PRKAR1A: variants seen among roughly 807,000 people sequenced by gnomAD.
The protein encoded by PRKAR1A is cAMP-dependent protein kinase type I-alpha regulatory subunit.
A neutral mutation model predicts 52.0 loss-of-function variants in PRKAR1A; 3 were observed. The ratio of observed to expected loss-of-function variants is 0.06; its 90% CI spans 0.03 to 0.15. The LOEUF is 0.15. Among genes scored for constraint, PRKAR1A ranks in the 10% least tolerant of loss-of-function variants. The pLI, the probability that PRKAR1A is intolerant of heterozygous loss-of-function variation, is 1.00. For missense variants in PRKAR1A, 240 were observed against 477.4 expected, an observed-to-expected ratio of 0.50 and a Z score of 4.63; for synonymous variants, 188 against 168.4, an observed-to-expected ratio of 1.12 and a Z score of -0.90.
chr17:68,470,210 T>C, the PRKAR1A span, among the ~76,000 whole-genome samples: 2 of 151,936 alleles, frequency 1.3e-5, no homozygotes, highest in Non-Finnish European at 2.9e-5. Flanking sequence ...AGCCTCCTAA[T>C]AGCTGGGATT....
upstream of PRKAR1A, among the ~76,000 whole-genome samples, chr17:68,506,875 A>G (rs2085206315): frequency 6.6e-6 from 1 of 152,198 alleles, no homozygotes; most frequent in African/African-American, 2.4e-5. Context: ...GTGGATGATC[A>G]GGAATCATTT....
At chr17:68,464,608 G>A in the PRKAR1A span, among the ~76,000 whole-genome samples, 1 of 151,820 alleles carries the variant, frequency 6.6e-6, no homozygotes, top group African/African-American at 2.4e-5. Context: ...TTGAACCCGG[G>A]AGGTGGAGGT....
chr17:68,487,431 A>C, the PRKAR1A span, among the ~76,000 whole-genome samples: 1 of 152,206 alleles, frequency 6.6e-6, no homozygotes. Flanking sequence ...TATAGTTATA[A>C]CTTAAGCCAA....
chr17:68,461,461 G>A, the PRKAR1A span, among the ~76,000 whole-genome samples: 1 of 152,158 alleles, frequency 6.6e-6, no homozygotes, highest in Non-Finnish European at 1.5e-5. The surrounding 1 kb of genome is among the most constrained non-coding windows in gnomAD (Gnocchi z 4.6). Context: ...GAGACATCCT[G>A]TCTGATGCAA....
At chr17:68,453,780 A>G in the PRKAR1A span, among the ~76,000 whole-genome samples, 1 of 152,104 alleles carries the variant, frequency 6.6e-6, no homozygotes, top group Non-Finnish European at 1.5e-5. Flanking sequence ...TCTAAGAAAT[A>G]CACTTTCAAA....
At chr17:68,425,570 C>T in the PRKAR1A span, among the ~76,000 whole-genome samples, 5 of 151,890 alleles carry the variant, frequency 3.3e-5, no homozygotes, top group Non-Finnish European at 5.9e-5. Context: ...GCGGGTCTGC[C>T]GGCCAGAGCT....
the PRKAR1A span, chr17:68,450,975 C>A: frequency 2.0e-6 from 3 of 1,516,800 alleles, no homozygotes; most frequent in Non-Finnish European, 2.6e-6. Flanking sequence ...ACACTGGGCC[C>A]GGCGCAGGCC....
the PRKAR1A span, among the ~76,000 whole-genome samples, chr17:68,504,250 A>C: frequency 2.5e-3 from 377 of 152,112 alleles, no homozygotes; most frequent in Admixed American, 4.8e-3. Context: ...AGATCATTTG[A>C]GGTCAGGAGT....
intron 11 of PRKAR1A, chr17:68,543,494 C>T (rs954042748): frequency 2.8e-5 from 21 of 751,820 alleles, no homozygotes; most frequent in Non-Finnish European, 4.2e-5. Flanking sequence ...AAAGACACCA[C>T]GATGAGGCAC....
chr17:68,539,973 A>T (rs775728716), intron 11 of PRKAR1A: 1 of 1,613,720 alleles, frequency 6.2e-7, no homozygotes. Flanking sequence ...TTCCCTGTGA[A>T]GGAGGGGAGG....
the PRKAR1A span, chr17:68,422,063 T>TTATATG: frequency 3.7e-6 from 2 of 538,540 alleles, no homozygotes; most frequent in Non-Finnish European, 6.7e-6. Flanking sequence ...GTGTATGTAT[T>TTATATG]TATATGTATA....
chr17:68,494,114 C>A, the PRKAR1A span, among the ~76,000 whole-genome samples: 4 of 152,282 alleles, frequency 2.6e-5, no homozygotes, highest in African/African-American at 9.6e-5. Flanking sequence ...ATCAAAAATG[C>A]CATTTACTGG....
rs994798970 is a variant in PRKAR1A, at chr17:68,531,534, G to A, written c.*1085G>A. 40 of 1,066,218 alleles carry A rather than the reference G, an allele frequency of 3.8e-5. No homozygotes were observed. Among genetic ancestry groups the A allele is most frequent in the Non-Finnish European group, 1.6e-5 (14 of 879,638 alleles). 66.0% of individuals were successfully genotyped at this position (1,066,218 alleles called of 1,614,324 possible). A position where few individuals can be genotyped will look rare whatever the true frequency, so the allele number is the denominator to read the frequency against. Reference sequence around the variant, plus strand: ...ACATTCACTGGGGCATGAGATTTTGGAAGAAGTTTTTTACTTTGGTTTAGT... The same window carrying A: ...ACATTCACTGGGGCATGAGATTTTGAAAGAAGTTTTTTACTTTGGTTTAGT... On this transcript the variant is annotated 3_prime_UTR_variant, in exon 11 of 11. Coordinates refer to ENST00000589228, the MANE Select transcript of PRKAR1A (RefSeq NM_002734.5).
At chr17:68,420,329 G>A in the PRKAR1A span, 1 of 1,614,116 alleles carries the variant, frequency 6.2e-7, no homozygotes, top group Non-Finnish European at 8.5e-7. Context: ...GCTGCCCGAG[G>A]TCAGAAAGGT....
upstream of PRKAR1A, among the ~76,000 whole-genome samples, chr17:68,509,554 C>T (rs966299050): frequency 6.6e-6 from 1 of 152,148 alleles, no homozygotes; most frequent in Admixed American, 6.5e-5. Flanking sequence ...GCTAACAGAC[C>T]TTTGAATCAA....
At chr17:68,535,770 A>G (rs753260650), downstream of PRKAR1A, 155 of 453,430 alleles carry the variant, frequency 3.4e-4, 1 homozygote, top group Non-Finnish European at 6.1e-4. Flanking sequence ...TTTAGGCCCA[A>G]AGTGCTGGGA....
the PRKAR1A span, among the ~76,000 whole-genome samples, chr17:68,459,951 G>A: frequency 2.0e-5 from 3 of 151,452 alleles, no homozygotes; most frequent in Non-Finnish European, 4.4e-5. Flanking sequence ...CTCCCAAGCA[G>A]CTGGGACTTC....
chr17:68,430,171 A>C, the PRKAR1A span: 1 of 1,608,106 alleles, frequency 6.2e-7, no homozygotes, highest in South Asian at 1.1e-5. Context: ...CTAGGGAGTA[A>C]TGCACAGGCA....
chr17:68,535,358 T>A (rs1045898765), downstream of PRKAR1A: 6 of 454,020 alleles, frequency 1.3e-5, no homozygotes, highest in Non-Finnish European at 2.2e-5. Context: ...GCAAAATGTG[T>A]ATATAGGCCA....
Sources: allele counts gnomAD v4.1 joint callset (sites outside exome capture counted in the v4.1 genomes callset), GRCh38; gene constraint gnomAD v4.1.1; non-coding constraint Gnocchi (gnomAD v3.1); transcripts MANE v1.5; gene names NCBI Gene and HGNC (gene_info 2026-07-23, HGNC 2026-07-21).